NEXN: variants seen among roughly 807,000 people sequenced by gnomAD.
NEXN encodes the protein nexilin F-actin binding protein.
NEXN carries 65 observed loss-of-function variants against 92.6 expected under a neutral mutation model. That is an observed-to-expected ratio of 0.70 (90% CI 0.57 to 0.86). The LOEUF (loss-of-function observed/expected upper bound fraction) is 0.86, where lower values mean the gene tolerates loss of function less well. NEXN is among the 40% of genes least tolerant of loss of function. NEXN has a pLI of 0.00. For synonymous variants in NEXN, 254 were observed against 242.5 expected (o/e 1.05, Z -0.44); for missense variants, 778 against 771.1 (o/e 1.01, Z -0.11).
At position 77,942,585 on chromosome 1, in the gene NEXN, A is replaced by G. The variant is rs1131691984; in HGVS notation, c.1784A>G (p.Asp595Gly). 6.8e-6 allele frequency: 11 copies of G among 1,613,802 alleles called. No individual in the cohort carries two copies. Among genetic ancestry groups the G allele is most frequent in the Non-Finnish European group, 8.5e-6 (10 of 1,179,824 alleles). The change falls in exon 13 of 13, where the codon GAC becomes GGC. Residue 595 changes from aspartate to glycine, a missense_variant. Asp to Gly is a moderately conservative substitution (Grantham distance 94). Coordinates refer to ENST00000334785, the MANE Select transcript of NEXN (RefSeq NM_144573.4). ...CCTCTTAAAAACACATCAGTTGTAG[A>G]CAGTGAGCCAGTCAGATTTACGGTT... is the stretch of plus-strand genomic sequence containing the variant. ...KKPLKNTSVV[D>G]SEPVRFTVKV...
chr1:77,892,877 T>A (rs904543561), intron 1 of NEXN, among the ~76,000 whole-genome samples: 4 of 151,900 alleles, frequency 2.6e-5, no homozygotes, highest in Non-Finnish European at 5.9e-5. Context: ...TCTTTTTTTT[T>A]TTTTTTTGAG....
At chr1:77,932,882 CTGGCCGGGTGCG>C (rs1650417430) in intron 9 of NEXN, among the ~76,000 whole-genome samples, 1 of 152,058 alleles carries the variant, frequency 6.6e-6, no homozygotes, top group Admixed American at 6.6e-5. Context: ...TTTAAGAAAT[CTGGCCGGGTGCG>C]TGGCTCACGC....
In NEXN at chr1:77,935,812, T is replaced by G. The variant is rs781115798; in HGVS notation, c.1252-11T>G. On this transcript the variant is annotated splice_polypyrimidine_tract_variant and intron_variant, in intron 10 of 12. Coordinates refer to ENST00000334785, the MANE Select transcript of NEXN (RefSeq NM_144573.4). The stretch of plus-strand genomic sequence containing the variant: ...AAACAGCAGCAACAAACTTATTAAT[T>G]TTTTTTGAAGGAAGAGGAAGAAAAT... 2.2e-5 allele frequency: 35 copies of G among 1,608,306 alleles called. No individual in the cohort carries two copies. The African/African-American group carries it at 4.7e-4, about 22-fold the overall frequency.
rs185094774 is a variant in NEXN, at chr1:77,926,710, T to A, written c.688-6T>A. 1.9e-6 allele frequency: 3 copies of A among 1,613,766 alleles called. No individual in the cohort carries two copies. The African/African-American group carries it at 4.0e-5, about 22-fold the overall frequency. On this transcript the variant is annotated splice_region_variant and splice_polypyrimidine_tract_variant and intron_variant, in intron 7 of 12. Coordinates refer to ENST00000334785, the MANE Select transcript of NEXN (RefSeq NM_144573.4). ...TAAAAGGTGGGTTTTCATAACGTTTTCTTAGGATGATGAAATAGAAAGTGA... is the reference window on the plus strand; with the variant it reads ...TAAAAGGTGGGTTTTCATAACGTTTACTTAGGATGATGAAATAGAAAGTGA...
intron 11 of NEXN, among the ~76,000 whole-genome samples, chr1:77,936,370 A>G (rs1279411248): frequency 6.6e-6 from 1 of 152,174 alleles, no homozygotes; most frequent in African/African-American, 2.4e-5. Context: ...GGAGGATCAC[A>G]TGATCCAGGA....
chr1:77,939,521 T>C (rs1651075705), intron 11 of NEXN, among the ~76,000 whole-genome samples: 1 of 152,222 alleles, frequency 6.6e-6, no homozygotes, highest in South Asian at 2.1e-4. Flanking sequence ...CAGCATGCAC[T>C]TGCTTCCTTT....
Position 77,935,911 on chromosome 1 carries a change from A to C in NEXN, c.1340A>C (p.Asn447Thr). The C allele has an allele frequency of 6.2e-7, 1 of 1,614,020 alleles. No individual in the cohort carries two copies. Among genetic ancestry groups the C allele is most frequent in the Non-Finnish European group, 8.5e-7 (1 of 1,179,986 alleles). ...LKRSGSIQAK[N>T]LKSKFEKIGQ... Reference sequence around the variant, plus strand: ...AGGAGTGGCTCTATTCAAGCTAAAAACCTAAAAAGCAAGTTTGAAAAAATT... The same window carrying C: ...AGGAGTGGCTCTATTCAAGCTAAAACCCTAAAAAGCAAGTTTGAAAAAATT... The change falls in exon 11 of 13, where the codon AAC (asparagine) becomes ACC (threonine). Residue 447 changes from asparagine (N) to threonine (T), a missense_variant. By Grantham distance (65) the Asn-to-Thr change is moderately conservative (BLOSUM62 0). This residue lies in a region of NEXN where 532 missense variants were observed against 476.7 expected (regional missense o/e 1.12). Coordinates refer to ENST00000334785, the MANE Select transcript of NEXN (RefSeq NM_144573.4).
rs538773175 is a variant in NEXN, at chr1:77,921,868, T to C, written c.448-3320T>C. On this transcript the variant is annotated intron_variant, in intron 5 of 12. Transcript: ENST00000334785. ...GGCAAAGGTTGCAGTGAGCCAAGAT[T>C]GCACCACTGTACTCAAGCCTGGGCA... 6.8e-4 allele frequency among the ~76,000 whole-genome samples: 103 copies of C among 152,112 alleles called. 1 individual carries two copies. Among genetic ancestry groups the C allele is most frequent in the African/African-American group, 2.5e-3 (102 of 41,538 alleles).
At chr1:77,938,653 G>A (rs761477585) in intron 11 of NEXN, among the ~76,000 whole-genome samples, 3 of 151,178 alleles carry the variant, frequency 2.0e-5, no homozygotes, top group Non-Finnish European at 4.4e-5. Context: ...ATTATTCTAA[G>A]TACTATAATA....
At chr1:77,921,753 TA>T (rs953146021) in intron 5 of NEXN, among the ~76,000 whole-genome samples, 1 of 151,600 alleles carries the variant, frequency 6.6e-6, no homozygotes, top group Admixed American at 6.6e-5. Context: ...CTACAAAAAT[TA>T]AAAAAAATTA....
intron 11 of NEXN, among the ~76,000 whole-genome samples, chr1:77,941,161 A>G (rs961897658): frequency 2.6e-5 from 4 of 152,136 alleles, no homozygotes; most frequent in Admixed American, 2.0e-4. Context: ...ATCTGGAGCA[A>G]TTTCCTCATA....
At chr1:77,893,808 G>T (rs1350262287) in intron 1 of NEXN, among the ~76,000 whole-genome samples, 1 of 151,762 alleles carries the variant, frequency 6.6e-6, no homozygotes, top group Admixed American at 6.6e-5. Flanking sequence ...CAGGTTGAAA[G>T]ATTCAAAAGA....
chr1:77,890,411 G>A (rs1647078820), intron 1 of NEXN, among the ~76,000 whole-genome samples: 1 of 152,104 alleles, frequency 6.6e-6, no homozygotes, highest in South Asian at 2.1e-4. Flanking sequence ...GTAATGAATA[G>A]CAATTGTTCC....
At chr1:77,926,685 TAA>T in intron 7 of NEXN, 29 bp from the exon 8 acceptor site, 2 of 1,613,824 alleles carry the variant, frequency 1.2e-6, no homozygotes, top group South Asian at 2.2e-5. Flanking sequence ...CCTTTATGAC[TAA>T]AAGGTGGGTT....
chr1:77,915,892 C>T (rs896684181), intron 1 of NEXN, among the ~76,000 whole-genome samples, 163 bp from the exon 2 acceptor site: 5 of 152,014 alleles, frequency 3.3e-5, no homozygotes, highest in Non-Finnish European at 7.4e-5. Flanking sequence ...GTTTTCTATA[C>T]CATGAATCTT....
chr1:77,941,894 T>C, intron 11 of NEXN, 129 bp from the exon 12 acceptor site: 2 of 869,224 alleles, frequency 2.3e-6, no homozygotes, highest in Non-Finnish European at 3.7e-6. Flanking sequence ...TCTGAGTGTC[T>C]GCAGTGTAGC....
intron 11 of NEXN, among the ~76,000 whole-genome samples, chr1:77,941,017 G>A (rs1380810230): frequency 2.6e-5 from 4 of 152,062 alleles, no homozygotes; most frequent in Non-Finnish European, 5.9e-5. Context: ...TCCTTTCATC[G>A]GAAATGAGGT....
At chr1:77,921,306 A>G (rs1219520535) in intron 5 of NEXN, among the ~76,000 whole-genome samples, 12 of 152,144 alleles carry the variant, frequency 7.9e-5, no homozygotes, top group Non-Finnish European at 1.5e-5. Context: ...ACTGCACCAA[A>G]ACAAACAAAC....
At position 77,942,524 on chromosome 1, in the gene NEXN, G is replaced by T. The variant is rs540870664; in HGVS notation, c.1723G>T (p.Glu575Ter). Residue 575 changes from glutamate (E) to a stop codon, truncating the protein, a stop_gained, in exon 13 of 13, where the codon GAG (glutamate) becomes TAG (stop). Transcript: ENST00000334785. LOFTEE classifies it high-confidence loss of function. Reference sequence around the variant, plus strand: ...GAATGGCTCCACTGCTGAAGATGAAGAGCAAACCAGATCAGGAGCTCCATG... The same window carrying T: ...GAATGGCTCCACTGCTGAAGATGAATAGCAAACCAGATCAGGAGCTCCATG... The part of the protein sequence containing the change: ...IMNGSTAEDE[E>*]QTRSGAPWFK... The T allele has an allele frequency of 6.2e-7, 1 of 1,613,778 alleles. No individual in the cohort carries two copies. The highest frequency in any genetic ancestry group is 8.5e-7 in the Non-Finnish European group (1 of 1,179,852).
Sources: allele counts gnomAD v4.1 joint callset (sites outside exome capture counted in the v4.1 genomes callset), GRCh38; gene constraint gnomAD v4.1.1; regional missense constraint gnomAD v4.1.1; transcripts MANE v1.5; gene names NCBI Gene and HGNC (gene_info 2026-07-23, HGNC 2026-07-21).